Variants in BUB3 observed in about 807,000 individuals in gnomAD.
BUB3 encodes the protein BUB3 mitotic checkpoint protein.
A neutral mutation model predicts 39.9 loss-of-function variants in BUB3; 22 were observed. The observed-to-expected ratio is 0.55, with a 90% CI of 0.39 to 0.79. The LOEUF (loss-of-function observed/expected upper bound fraction) is 0.79. Ranked by LOEUF, BUB3 falls within the 30% of genes least tolerant of loss-of-function variation. The pLI is 0.00. For synonymous variants in BUB3, 168 were observed against 155.1 expected, an observed-to-expected ratio of 1.08 and a Z score of -0.62; for missense variants, 303 against 415.4, an observed-to-expected ratio of 0.73 and a Z score of 2.35.
rs756642442 is a variant in BUB3, at chr10:123,156,753, G to GTTTTTTTTTTTTTTTTTTTTT, written c.266-965_266-964insTTTTTTTTTTTTTTTTTTTTT. ...ATGAAATCCTTTCTTTTTCTTTCTT[G>GTTTTTTTTTTTTTTTTTTTTT]TTTTTTTTTTTGAGCTAGAGTCTCA... On this transcript the variant is annotated intron_variant, in intron 3 of 7. Coordinates refer to ENST00000368865, the MANE Select transcript of BUB3 (RefSeq NM_004725.4). Among the ~76,000 whole-genome samples, 19 of 135,104 alleles carry GTTTTTTTTTTTTTTTTTTTTT rather than the reference G, an allele frequency of 1.4e-4. 1 individual carries two copies. Among genetic ancestry groups the GTTTTTTTTTTTTTTTTTTTTT allele is most frequent in the African/African-American group, 3.6e-4 (13 of 35,702 alleles). 88.6% of individuals were successfully genotyped at this position (135,104 alleles called of 152,430 possible). A position where few individuals can be genotyped will look rare whatever the true frequency, so the allele number is the denominator to read the frequency against.
rs1293031678 is a variant in BUB3, at chr10:123,155,688, GATC to G, written c.231_233del (p.His77del). The G allele has an allele frequency of 6.2e-7, 1 of 1,614,124 alleles. No homozygotes were observed. The highest frequency in any genetic ancestry group is 1.7e-5 in the Admixed American group (1 of 60,034). ...AACGCATGCCTGGAGTGGAGGACTA[GATC>G]ATCAATTGAAAATGCATGATTTGAA... is the stretch of plus-strand genomic sequence containing the variant. On this transcript the variant is annotated inframe_deletion, in exon 3 of 8. Coordinates refer to ENST00000368865, the MANE Select transcript of BUB3 (RefSeq NM_004725.4).
chr10:123,154,610 A>T (rs981757462), intron 1 of BUB3, 125 bp downstream of exon 1: 16 of 293,860 alleles, frequency 5.4e-5, no homozygotes, highest in African/African-American at 3.5e-4. Context: ...CTTTATTTTT[A>T]GGAGTGCCCG....
Position 123,157,829 on chromosome 10 carries a change from G to A in BUB3, c.366G>A (p.Leu122=). Residue 122 remains leucine (L), a synonymous_variant, in exon 4 of 8, where the codon CTG becomes CTA. Coordinates refer to ENST00000368865, the MANE Select transcript of BUB3 (RefSeq NM_004725.4). ...GAAGTTGGGATCAGACAGTTAAACT[G>A]TGGGATCCCAGAACTCCTTGTAATG... is the stretch of plus-strand genomic sequence containing the variant. The part of the protein sequence containing the change: ...VTGSWDQTVK[L]WDPRTPCNAG... 2 of 1,614,044 alleles carry A rather than the reference G, an allele frequency of 1.2e-6. No homozygotes were observed. The highest frequency in any genetic ancestry group is 1.7e-6 in the Non-Finnish European group (2 of 1,179,988).
At chr10:123,157,613 T>G in intron 3 of BUB3, 116 bp from the exon 4 acceptor site, 1 of 1,228,340 alleles carries the variant, frequency 8.1e-7, no homozygotes, top group Non-Finnish European at 1.1e-6. Context: ...TGGGGTTGGA[T>G]GAGGCAAATT....
chr10:123,161,806 C>T (rs1181630145), intron 5 of BUB3, among the ~76,000 whole-genome samples: 2 of 152,176 alleles, frequency 1.3e-5, no homozygotes, highest in Admixed American at 1.3e-4. Context: ...GACTGGTGTT[C>T]TAGTTGATTT....
Position 123,164,471 on chromosome 10 carries a change from C to T in BUB3, c.*636C>T, listed in dbSNP as rs1564784686. 4 of 985,508 alleles carry T rather than the reference C, an allele frequency of 4.1e-6. No homozygotes were observed. The highest frequency in any genetic ancestry group is 4.7e-5 in the South Asian group (1 of 21,298). The allele number at this position is 985,508 out of a possible 1,614,324, so 61.0% of individuals were successfully genotyped here. A position where few individuals can be genotyped will look rare whatever the true frequency, so the allele number is the denominator to read the frequency against. ...AAAACCTCCTAATATCATTTTGTGA[C>T]TGTAAACAATTATTTATTAGCAAAC... On this transcript the variant is annotated 3_prime_UTR_variant, in exon 8 of 8. Coordinates refer to ENST00000368865, the MANE Select transcript of BUB3 (RefSeq NM_004725.4).
Position 123,164,499 on chromosome 10 carries a change from T to C in BUB3, c.*664T>C. On this transcript the variant is annotated 3_prime_UTR_variant, in exon 8 of 8. Coordinates refer to ENST00000368865, the MANE Select transcript of BUB3 (RefSeq NM_004725.4). ...TAAACAATTATTTATTAGCAAACAA[T>C]TGATCCCAGAAGGGCAAATTGTTTG... is the stretch of plus-strand genomic sequence containing the variant. 1 of 985,704 alleles carries C rather than the reference T, an allele frequency of 1.0e-6. No individual in the cohort carries two copies. Among genetic ancestry groups the C allele is most frequent in the Non-Finnish European group, 1.2e-6 (1 of 830,168 alleles). The allele number at this position is 985,704 out of a possible 1,614,324, so 61.1% of individuals were successfully genotyped here.
chr10:123,157,606 G>C, intron 3 of BUB3, 123 bp from the exon 4 acceptor site: 1 of 1,121,102 alleles, frequency 8.9e-7, no homozygotes, highest in Non-Finnish European at 1.2e-6. Context: ...ATTTCCATGG[G>C]GTTGGATGAG....
intron 6 of BUB3, 87 bp downstream of exon 6, chr10:123,162,500 A>C: frequency 1.9e-6 from 3 of 1,559,732 alleles, no homozygotes; most frequent in Non-Finnish European, 2.6e-6. Flanking sequence ...AAATCTGTAC[A>C]GTGCTTTAGG....
At position 123,157,255 on chromosome 10, in the gene BUB3, G is replaced by A. The variant is rs543665005; in HGVS notation, c.266-474G>A. On this transcript the variant is annotated intron_variant, in intron 3 of 7. Transcript: ENST00000368865. The stretch of plus-strand genomic sequence containing the variant: ...TTTAGCCATGTAAATAAGTTTCTTA[G>A]CAGCATTGGCTTAATGTTCAACATA... Among the ~76,000 whole-genome samples the A allele has an allele frequency of 3.3e-5, 5 of 152,332 alleles. No homozygotes were observed. In the East Asian group the frequency reaches 9.6e-4, roughly 29 times the overall value.
rs1389717296 is a variant in BUB3, at chr10:123,157,783, A to G, written c.320A>G (p.Glu107Gly). ...APIRCVEYCP[E>G]VNVMVTGSWD... ...ATCAGATGTGTTGAATACTGTCCAG[A>G]AGTGAATGTGATGGTCACTGGAAGT... Residue 107 changes from glutamate (E) to glycine (G), a missense_variant, in exon 4 of 8, where the codon GAA becomes GGA. By Grantham distance (98) the Glu-to-Gly change is moderately conservative. This residue lies in a region of BUB3 where 182 missense variants were observed against 293.1 expected (regional missense o/e 0.62). Coordinates refer to ENST00000368865, the MANE Select transcript of BUB3 (RefSeq NM_004725.4). 1.2e-6 allele frequency: 2 copies of G among 1,614,074 alleles called. No homozygotes were observed. The highest frequency in any genetic ancestry group is 2.2e-5 in the East Asian group (1 of 44,870).
chr10:123,154,673 C>T, intron 1 of BUB3, among the ~76,000 whole-genome samples, 188 bp downstream of exon 1: 1 of 152,138 alleles, frequency 6.6e-6, no homozygotes, highest in Non-Finnish European at 1.5e-5. Context: ...GTCCGGGCAT[C>T]GCTGTGGGCC....
chr10:123,162,939 A>G, intron 7 of BUB3, 111 bp downstream of exon 7: 1 of 1,030,996 alleles, frequency 9.7e-7, no homozygotes, highest in Non-Finnish European at 1.4e-6. Flanking sequence ...ATTACAGCTG[A>G]CTGTAGGGTT....
Position 123,168,530 on chromosome 10 carries a change from T to A in BUB3, c.*4695T>A, listed in dbSNP as rs1369735806. ...GGCCCAAAACAAATTCATAAACTTT[T>A]GTAAAACGTGAGATTTTTTGTGATT... On this transcript the variant is annotated 3_prime_UTR_variant, in exon 8 of 8. Transcript: ENST00000368865. The A allele has an allele frequency of 6.6e-6, 1 of 152,146 alleles. No homozygotes were observed. Among genetic ancestry groups the A allele is most frequent in the East Asian group, 1.9e-4 (1 of 5,204 alleles). The allele number at this position is 152,146 out of a possible 1,614,324, so 9.4% of individuals were successfully genotyped here.
intron 4 of BUB3, 120 bp from the exon 5 acceptor site, chr10:123,160,287 T>G: frequency 1.2e-6 from 1 of 857,980 alleles, no homozygotes; most frequent in Non-Finnish European, 1.7e-6. Context: ...TTATCTGTGA[T>G]TGGGGAATTC....
Position 123,163,917 on chromosome 10 carries a change from G to A in BUB3, c.*82G>A. ...CAATGGTGGATTTATTACTATTAAAGAAACCAGGGAAAATATTAATTTTAA... is the reference window on the plus strand; with the variant it reads ...CAATGGTGGATTTATTACTATTAAAAAAACCAGGGAAAATATTAATTTTAA... On this transcript the variant is annotated 3_prime_UTR_variant, in exon 8 of 8. Coordinates refer to ENST00000368865, the MANE Select transcript of BUB3 (RefSeq NM_004725.4). 7.1e-7 allele frequency: 1 copy of A among 1,405,074 alleles called. No individual in the cohort carries two copies. Among genetic ancestry groups the A allele is most frequent in the Non-Finnish European group, 9.5e-7 (1 of 1,058,174 alleles). 87.0% of individuals were successfully genotyped at this position (1,405,074 alleles called of 1,614,324 possible). A position where few individuals can be genotyped will look rare whatever the true frequency, so the allele number is the denominator to read the frequency against.
At position 123,166,877 on chromosome 10, in the gene BUB3, T is replaced by A. The variant is rs1383303983; in HGVS notation, c.*3042T>A. On this transcript the variant is annotated 3_prime_UTR_variant, in exon 8 of 8. Coordinates refer to ENST00000368865, the MANE Select transcript of BUB3 (RefSeq NM_004725.4). ...TGTTCTGTGGGAGATCCAGGCCTTGTTAGAAGGACCAAGGCCAGAATGCCC... is the reference window on the plus strand; with the variant it reads ...TGTTCTGTGGGAGATCCAGGCCTTGATAGAAGGACCAAGGCCAGAATGCCC... 1 of 152,230 alleles carries A rather than the reference T, an allele frequency of 6.6e-6. No homozygotes were observed. Among genetic ancestry groups the A allele is most frequent in the Non-Finnish European group, 1.5e-5 (1 of 68,048 alleles). 9.4% of individuals were successfully genotyped at this position (152,230 alleles called of 1,614,324 possible).
In BUB3 at chr10:123,162,673, C is replaced by T. The variant is rs777836898; in HGVS notation, c.816C>T (p.Phe272=). ...TTAACAAAAAGCGACTGTGCCAATT[C>T]CATCGGTACCCCACGAGCATCGCAT... ...DPFNKKRLCQ[F]HRYPTSIASL... The change falls in exon 7 of 8, where the codon TTC becomes TTT. Residue 272 remains phenylalanine (F), a synonymous_variant. Transcript: ENST00000368865. The T allele has an allele frequency of 5.0e-6, 8 of 1,604,380 alleles. No homozygotes were observed. The African/African-American group carries it at 8.1e-5, about 16-fold the overall frequency.
intron 4 of BUB3, among the ~76,000 whole-genome samples, chr10:123,159,856 C>T (rs1224815122): frequency 2.0e-5 from 3 of 152,096 alleles, no homozygotes; most frequent in African/African-American, 7.2e-5. Context: ...TTAGTGGTGG[C>T]TCCCTCACCC....
Sources: allele counts gnomAD v4.1 joint callset (sites outside exome capture counted in the v4.1 genomes callset), GRCh38; gene constraint gnomAD v4.1.1; regional missense constraint gnomAD v4.1.1; transcripts MANE v1.5; gene names NCBI Gene and HGNC (gene_info 2026-07-23, HGNC 2026-07-21).